Variants in ANAPC4 observed in about 807,000 individuals in gnomAD.
ANAPC4 encodes anaphase promoting complex subunit 4, also known as anaphase-promoting complex subunit 4.
In ANAPC4, 63 loss-of-function variants were observed where a neutral mutation model predicts 119.8. The observed-to-expected ratio is 0.53, with a 90% CI of 0.43 to 0.65. The LOEUF (loss-of-function observed/expected upper bound fraction) is 0.65, where lower values mean the gene tolerates loss of function less well. Among genes scored for constraint, ANAPC4 ranks in the 30% least tolerant of loss-of-function variants. The probability of loss-of-function intolerance (pLI) is 0.00; values close to 1 mark genes in which losing one functional copy is unlikely to be tolerated. For synonymous variants in ANAPC4, 283 were observed against 318.6 expected (o/e 0.89, Z 1.19); for missense variants, 716 against 945.1 (o/e 0.76, Z 3.18).
At chr4:25,390,759 G>A (rs1174169229) in intron 8 of ANAPC4, 152 bp from the exon 9 acceptor site, 1 of 594,722 alleles carries the variant, frequency 1.7e-6, no homozygotes, top group Non-Finnish European at 2.9e-6. Context: ...GTCCATGCAG[G>A]CAGACACCTA....
At chr4:25,398,730 G>A (rs528897266) in intron 16 of ANAPC4, among the ~76,000 whole-genome samples, 1 of 152,248 alleles carries the variant, frequency 6.6e-6, no homozygotes, top group East Asian at 1.9e-4. Context: ...GAAGCCAAGA[G>A]AGAAATGGTG....
Position 25,415,539 on chromosome 4 carries a change from A to G in ANAPC4, c.1900A>G (p.Ser634Gly), listed in dbSNP as rs906712896. ...TYATTEKVRRSIYSCLDAQFY... is the reference protein window; with the variant it reads ...TYATTEKVRRGIYSCLDAQFY... ...TGCCACAACAGAAAAAGTCAGAAGAAGGTAAGTCTTGAATCTTGTTTGGAT... is the reference window on the plus strand; with the variant it reads ...TGCCACAACAGAAAAAGTCAGAAGAGGGTAAGTCTTGAATCTTGTTTGGAT... The change falls in exon 26 of 29, where the codon AGC (serine) becomes GGC (glycine). Residue 634 changes from serine (S) to glycine (G), a missense_variant and splice_region_variant. By Grantham distance (56) the Ser-to-Gly change is moderately conservative (BLOSUM62 0). This residue lies in a region of ANAPC4 where 504 missense variants were observed against 615.8 expected (regional missense o/e 0.82). Coordinates refer to ENST00000315368, the MANE Select transcript of ANAPC4 (RefSeq NM_013367.3). 1 of 1,612,066 alleles carries G rather than the reference A, an allele frequency of 6.2e-7. No individual in the cohort carries two copies. The highest frequency in any genetic ancestry group is 8.5e-7 in the Non-Finnish European group (1 of 1,178,744).
At chr4:25,381,038 A>AATGGAAATGAC (rs1285041894) in intron 3 of ANAPC4, among the ~76,000 whole-genome samples, 1 of 152,182 alleles carries the variant, frequency 6.6e-6, no homozygotes, top group African/African-American at 2.4e-5. Flanking sequence ...TTTTCCATGT[A>AATGGAAATGAC]ATGTTTTTAC....
chr4:25,399,452 T>G (rs1161442117), intron 16 of ANAPC4, among the ~76,000 whole-genome samples: 1 of 122,962 alleles, frequency 8.1e-6, no homozygotes, highest in African/African-American at 2.5e-5. Flanking sequence ...TATGTATGTC[T>G]GTGTATCTTT....
At chr4:25,381,424 C>G (rs1721717963) in intron 3 of ANAPC4, among the ~76,000 whole-genome samples, 1 of 152,104 alleles carries the variant, frequency 6.6e-6, no homozygotes, top group South Asian at 2.1e-4. Context: ...AATTCTTCTC[C>G]CTCAGCCTCC....
At chr4:25,397,360 A>G (rs535781473) in intron 16 of ANAPC4, among the ~76,000 whole-genome samples, 151 of 152,052 alleles carry the variant, frequency 9.9e-4, no homozygotes, top group African/African-American at 3.5e-3. Context: ...CCCCTGTTCC[A>G]GATGCCTTCC....
At position 25,405,491 on chromosome 4, in the gene ANAPC4, C is replaced by A. The variant is rs912181861; in HGVS notation, c.1271-82C>A. On this transcript the variant is annotated intron_variant, in intron 17 of 28. Coordinates refer to ENST00000315368, the MANE Select transcript of ANAPC4 (RefSeq NM_013367.3). The surrounding 1 kb of genome is among the most constrained non-coding windows in gnomAD (Gnocchi z 4.6). Reference sequence around the variant, plus strand: ...ATTGAAGATTTAGTTCAGTCAAACACCTTGTCTTTGAAATGTATTTATAAT... The same window carrying A: ...ATTGAAGATTTAGTTCAGTCAAACAACTTGTCTTTGAAATGTATTTATAAT... The A allele has an allele frequency of 6.9e-6, 9 of 1,303,304 alleles. No homozygotes were observed. The highest frequency in any genetic ancestry group is 8.8e-6 in the Non-Finnish European group (8 of 913,200). The allele number at this position is 1,303,304 out of a possible 1,614,324, so 80.7% of individuals were successfully genotyped here.
intron 17 of ANAPC4, among the ~76,000 whole-genome samples, chr4:25,403,427 T>A (rs2109133850): frequency 6.6e-6 from 1 of 152,202 alleles, no homozygotes; most frequent in East Asian, 1.9e-4. Flanking sequence ...GTTATCCCTG[T>A]CGCTCACTGA....
chr4:25,392,014 A>G (rs1253153048), intron 9 of ANAPC4, among the ~76,000 whole-genome samples: 1 of 152,272 alleles, frequency 6.6e-6, no homozygotes, highest in East Asian at 1.9e-4. Flanking sequence ...ATTTATCAGT[A>G]GCCTTTAATT....
chr4:25,403,980 C>G (rs1245789517), intron 17 of ANAPC4, among the ~76,000 whole-genome samples: 2 of 152,172 alleles, frequency 1.3e-5, no homozygotes, highest in Non-Finnish European at 2.9e-5. Context: ...TGTGAACTCT[C>G]AATATCCTTA....
At chr4:25,394,796 T>G (rs931776722) in intron 13 of ANAPC4, 33 bp from the exon 14 acceptor site, 1 of 1,604,244 alleles carries the variant, frequency 6.2e-7, no homozygotes, top group African/African-American at 1.3e-5. Flanking sequence ...ATATCCTGAT[T>G]GTATGCTAAA....
intron 20 of ANAPC4, among the ~76,000 whole-genome samples, chr4:25,407,551 A>C (rs1723321507): frequency 6.6e-6 from 1 of 152,090 alleles, no homozygotes; most frequent in African/African-American, 2.4e-5. Flanking sequence ...TCAGTGAGCC[A>C]AGATCAAGCC....
intron 25 of ANAPC4, chr4:25,415,237 C>T (rs970927559): frequency 5.1e-6 from 2 of 395,440 alleles, no homozygotes; most frequent in East Asian, 3.9e-5. Flanking sequence ...ATGTTGAGAC[C>T]ACGATGTAAC....
chr4:25,380,484 T>C lies in ANAPC4; in HGVS notation c.235+5T>C. ...CATGGAGACCAGATGGCAAACGTAATGATAATATTACAAAAAAAATATGTT... is the reference window on the plus strand; with the variant it reads ...CATGGAGACCAGATGGCAAACGTAACGATAATATTACAAAAAAAATATGTT... On this transcript the variant is annotated splice_donor_5th_base_variant and intron_variant, in intron 3 of 28. Transcript: ENST00000315368. 2 of 1,587,810 alleles carry C rather than the reference T, an allele frequency of 1.3e-6. No individual in the cohort carries two copies. Among genetic ancestry groups the C allele is most frequent in the Non-Finnish European group, 1.7e-6 (2 of 1,162,960 alleles).
chr4:25,417,983 T>G, intron 28 of ANAPC4, 172 bp from the exon 29 acceptor site: 1 of 832,070 alleles, frequency 1.2e-6, no homozygotes. Flanking sequence ...ACTGTTGTTA[T>G]GTGGAGATCT....
intron 27 of ANAPC4, chr4:25,417,405 G>A (rs763233733): frequency 2.7e-4 from 105 of 385,702 alleles, no homozygotes; most frequent in Non-Finnish European, 3.7e-4. Context: ...CCAGGCATGA[G>A]CCACTGTGCC....
chr4:25,406,720 A>G (rs1340035220), intron 18 of ANAPC4, 109 bp from the exon 19 acceptor site: 8 of 824,104 alleles, frequency 9.7e-6, no homozygotes, highest in Non-Finnish European at 1.3e-5. Flanking sequence ...CAGTTTTCCC[A>G]TGGCTTTTAG....
At chr4:25,377,729 CTT>C (rs1263915342) in intron 2 of ANAPC4, among the ~76,000 whole-genome samples, 173 bp downstream of exon 2, 1 of 152,256 alleles carries the variant, frequency 6.6e-6, no homozygotes, top group South Asian at 2.1e-4. Flanking sequence ...CGGCAGTAAA[CTT>C]TAAGTATATA....
intron 4 of ANAPC4, among the ~76,000 whole-genome samples, 169 bp from the exon 5 acceptor site, chr4:25,388,331 A>G (rs1277483712): frequency 2.6e-5 from 4 of 152,056 alleles, no homozygotes; most frequent in African/African-American, 9.7e-5. Flanking sequence ...CTACTTTTCA[A>G]TTTCCTATTT....
Sources: allele counts gnomAD v4.1 joint callset (sites outside exome capture counted in the v4.1 genomes callset), GRCh38; gene constraint gnomAD v4.1.1; regional missense constraint gnomAD v4.1.1; non-coding constraint Gnocchi (gnomAD v3.1); transcripts MANE v1.5; gene names NCBI Gene and HGNC (gene_info 2026-07-23, HGNC 2026-07-21).